TOX: variants seen among roughly 807,000 people sequenced by gnomAD.
TOX encodes the protein thymocyte selection-associated high mobility group box protein TOX.
In TOX, 11 loss-of-function variants were observed where a neutral mutation model predicts 53.7. That is an observed-to-expected ratio of 0.20 (90% CI 0.13 to 0.34). The LOEUF (loss-of-function observed/expected upper bound fraction) is 0.34, where lower values mean the gene tolerates loss of function less well. Ranked by LOEUF, TOX falls within the 10% of genes least tolerant of loss-of-function variation. The pLI, the probability that TOX is intolerant of heterozygous loss-of-function variation, is 1.00. For missense variants in TOX, 570 were observed against 664.6 expected (o/e 0.86, Z 1.56); for synonymous variants, 225 against 245.3 (o/e 0.92, Z 0.77).
intron 1 of TOX, 54 bp from the exon 2 acceptor site, chr8:58,960,062 G>T (rs866845000): frequency 1.3e-6 from 2 of 1,581,156 alleles, no homozygotes; most frequent in Non-Finnish European, 1.7e-6. Context: ...GGTATGTTTG[G>T]TTTTTATTTG....
At chr8:59,113,531 A>G (rs1018063639) in intron 1 of TOX, among the ~76,000 whole-genome samples, 2 of 152,144 alleles carry the variant, frequency 1.3e-5, no homozygotes, top group Non-Finnish European at 2.9e-5. Flanking sequence ...GCAAGAATGG[A>G]TATGTTCGCA....
chr8:58,906,339 T>G (rs1056730572), intron 3 of TOX, among the ~76,000 whole-genome samples: 2 of 152,128 alleles, frequency 1.3e-5, no homozygotes, highest in African/African-American at 4.8e-5. Context: ...AAGAGACCCG[T>G]CCAGTGGAAG....
At chr8:58,934,906 G>A (rs1812318343) in intron 3 of TOX, among the ~76,000 whole-genome samples, 2 of 152,136 alleles carry the variant, frequency 1.3e-5, no homozygotes, top group Admixed American at 1.3e-4. Context: ...TCCTGATAAG[G>A]AAGCTGGAGT....
intron 1 of TOX, among the ~76,000 whole-genome samples, chr8:59,096,678 G>T (rs1211282025): frequency 1.3e-5 from 2 of 152,094 alleles, no homozygotes; most frequent in Non-Finnish European, 2.9e-5. Flanking sequence ...ATCACTAGAG[G>T]CACAGAGTTT....
chr8:59,116,830 G>C (rs535830481), intron 1 of TOX, among the ~76,000 whole-genome samples: 1 of 152,264 alleles, frequency 6.6e-6, no homozygotes, highest in Admixed American at 6.5e-5. Flanking sequence ...CTTATACACG[G>C]GGTGACTTAA....
chr8:58,826,697 C>CT lies in TOX; in HGVS notation c.1005+124dup, dbSNP rs540637570. ...ATCGTATAGCTTTGTTTGTAATTTA[C>CT]TTTTTTTTCCAACAAAGAAGATTGT... On this transcript the variant is annotated intron_variant, in intron 6 of 8. Coordinates refer to ENST00000361421, the MANE Select transcript of TOX (RefSeq NM_014729.3). The CT allele has an allele frequency of 8.2e-4, 658 of 806,990 alleles. 8 individuals carry two copies. The South Asian group carries it at 0.012, about 15-fold the overall frequency. 50.0% of individuals were successfully genotyped at this position (806,990 alleles called of 1,614,324 possible). A position where few individuals can be genotyped will look rare whatever the true frequency, so the allele number is the denominator to read the frequency against.
rs1163280304 is a variant in TOX, at chr8:58,851,164, C to CTCTCTG, written c.693+359_693+360insCAGAGA. 2.8e-5 allele frequency among the ~76,000 whole-genome samples: 4 copies of CTCTCTG among 143,150 alleles called. No homozygotes were observed. Among genetic ancestry groups the CTCTCTG allele is most frequent in the Non-Finnish European group, 4.5e-5 (3 of 66,464 alleles). The allele number at this position is 143,150 out of a possible 152,430, so 93.9% of individuals were successfully genotyped here. On this transcript the variant is annotated intron_variant, in intron 4 of 8. Coordinates refer to ENST00000361421, the MANE Select transcript of TOX (RefSeq NM_014729.3). The surrounding 1 kb of genome is among the most constrained non-coding windows in gnomAD (Gnocchi z 4.4). The stretch of plus-strand genomic sequence containing the variant: ...ACATCTCCTCTCTCTCTCTGTCTCT[C>CTCTCTG]TCTCTCTCTCTCTCTCTCTCTCACA...
intron 5 of TOX, among the ~76,000 whole-genome samples, chr8:58,831,247 T>C (rs1482820202): frequency 1.3e-5 from 2 of 152,120 alleles, no homozygotes; most frequent in Non-Finnish European, 2.9e-5. Flanking sequence ...AAAATACATA[T>C]CTGTTGATTT....
chr8:59,061,344 A>C (rs572980956), intron 1 of TOX, among the ~76,000 whole-genome samples: 21 of 152,300 alleles, frequency 1.4e-4, no homozygotes, highest in African/African-American at 4.8e-4. Flanking sequence ...TTGAGATAAA[A>C]GGCATTTGAT....
At chr8:58,898,672 C>A (rs1037979846) in intron 3 of TOX, among the ~76,000 whole-genome samples, 2 of 152,098 alleles carry the variant, frequency 1.3e-5, no homozygotes, top group Admixed American at 6.5e-5. Flanking sequence ...TCCAAGTTGT[C>A]CGTTTTCTTC....
At chr8:59,069,970 G>A (rs1371891001) in intron 1 of TOX, among the ~76,000 whole-genome samples, 2 of 152,186 alleles carry the variant, frequency 1.3e-5, no homozygotes, top group African/African-American at 2.4e-5. Flanking sequence ...CCTGTATAGC[G>A]CCCGGTGGGA....
intron 1 of TOX, among the ~76,000 whole-genome samples, chr8:59,085,237 C>T (rs1804485658): frequency 6.6e-6 from 1 of 152,148 alleles, no homozygotes; most frequent in Non-Finnish European, 1.5e-5. Flanking sequence ...CATTCCAATG[C>T]CACAATTTTT....
In TOX at chr8:59,020,536, C is replaced by T. The variant is rs149176008; in HGVS notation, c.103-60528G>A. On this transcript the variant is annotated intron_variant, in intron 1 of 8. Transcript: ENST00000361421. ...ATGCGATACAGTATTTAAGATATAG[C>T]TCCTGTCAAAGTCCTAAAATGCCAT... is the stretch of plus-strand genomic sequence containing the variant. 8.5e-5 allele frequency among the ~76,000 whole-genome samples: 13 copies of T among 152,270 alleles called. 1 individual carries two copies. In the East Asian group the frequency reaches 2.5e-3, roughly 29 times the overall value.
chr8:58,819,578 A>G (rs1810238885), intron 6 of TOX, among the ~76,000 whole-genome samples: 1 of 152,224 alleles, frequency 6.6e-6, no homozygotes, highest in African/African-American at 2.4e-5. Flanking sequence ...TGCAAAATGT[A>G]TAAAGGATAC....
intron 5 of TOX, among the ~76,000 whole-genome samples, chr8:58,829,680 T>C (rs1195352886): frequency 6.6e-6 from 1 of 152,194 alleles, no homozygotes. Flanking sequence ...ACACTCTGTA[T>C]GTCTTTCTGA....
intron 4 of TOX, among the ~76,000 whole-genome samples, chr8:58,845,705 C>T (rs1032330991): frequency 6.6e-6 from 1 of 152,078 alleles, no homozygotes; most frequent in African/African-American, 2.4e-5. Context: ...ATCTTTGATT[C>T]TGCCAAACAT....
intron 5 of TOX, among the ~76,000 whole-genome samples, chr8:58,837,383 T>C (rs977201737): frequency 1.7e-4 from 26 of 152,214 alleles, no homozygotes; most frequent in Admixed American, 4.6e-4. Flanking sequence ...TCAACATTGC[T>C]TCTTTGCTTA....
In TOX at chr8:59,012,295, G is replaced by A. The variant is rs147152294; in HGVS notation, c.103-52287C>T. On this transcript the variant is annotated intron_variant, in intron 1 of 8. Transcript: ENST00000361421. ...ATGATATGTTTGTAGAAAGGATGGA[G>A]GAACTCAATAAATGGACATTTCAGC... Among the ~76,000 whole-genome samples, 393 of 152,150 alleles carry A rather than the reference G, an allele frequency of 2.6e-3. 3 individuals are homozygous for A. The highest frequency in any genetic ancestry group is 9.2e-3 in the African/African-American group (384 of 41,524).
chr8:58,948,998 G>A (rs1052460920), intron 2 of TOX, among the ~76,000 whole-genome samples: 3 of 152,130 alleles, frequency 2.0e-5, no homozygotes, highest in Non-Finnish European at 4.4e-5. Context: ...TTGGATTTTG[G>A]AGCTGGAAAT....
Sources: gnomAD v4.1 joint callset for allele counts (sites outside exome capture counted in the v4.1 genomes callset) on GRCh38, gnomAD v4.1.1 for gene constraint, Gnocchi (gnomAD v3.1) non-coding constraint, MANE v1.5 for transcripts, NCBI Gene and HGNC (gene_info 2026-07-23, HGNC 2026-07-21) for gene names.